Variants in PCDHA12 observed in about 807,000 individuals in gnomAD.
PCDHA12 encodes protocadherin alpha 12, also known as protocadherin alpha-12.
In PCDHA12, 44 loss-of-function variants were observed where a neutral mutation model predicts 60.0. The observed-to-expected ratio is 0.73, with a 90% CI of 0.58 to 0.94. The LOEUF is 0.94. Among genes scored for constraint, PCDHA12 ranks in the 40% least tolerant of loss-of-function variants. PCDHA12 has a pLI of 0.00. For missense variants in PCDHA12, 1,276 were observed against 1,239.7 expected, an observed-to-expected ratio of 1.03 and a Z score of -0.44; for synonymous variants, 569 against 553.0, an observed-to-expected ratio of 1.03 and a Z score of -0.40.
At position 140,877,558 on chromosome 5, in the gene PCDHA12, A is replaced by G. The variant is rs782179941; in HGVS notation, c.2086A>G (p.Ile696Val). 7 of 1,613,628 alleles carry G rather than the reference A, an allele frequency of 4.3e-6. No individual in the cohort carries two copies. The highest frequency in any genetic ancestry group is 5.9e-6 in the Non-Finnish European group (7 of 1,179,900). The change falls in exon 1 of 4, where the codon ATT becomes GTT. Residue 696 changes from isoleucine (I) to valine (V), a missense_variant. Ile to Val is a conservative substitution (Grantham distance 29). Coordinates refer to ENST00000398631, the MANE Select transcript of PCDHA12 (RefSeq NM_018903.4). ...AVDPEAALVD[I>V]NVYLIIAICA... ...GGATCCCGAAGCGGCTCTGGTGGATATTAACGTGTACCTCATCATCGCCAT... is the reference window on the plus strand; with the variant it reads ...GGATCCCGAAGCGGCTCTGGTGGATGTTAACGTGTACCTCATCATCGCCAT...
intron 1 of PCDHA12, chr5:140,882,750 A>G (rs781948584): frequency 1.9e-5 from 30 of 1,614,128 alleles, no homozygotes; most frequent in Non-Finnish European, 2.4e-5. Context: ...TCCGATGCAG[A>G]TATTGGAGTA....
intron 1 of PCDHA12, among the ~76,000 whole-genome samples, chr5:140,919,297 G>C (rs1351756549): frequency 6.6e-6 from 1 of 152,120 alleles, no homozygotes; most frequent in African/African-American, 2.4e-5. Context: ...GTTGCTGTTT[G>C]TACAATATAT....
Position 140,886,603 on chromosome 5 carries a change from G to GGATCAGGA in PCDHA12, c.2367+8774_2367+8781dup, listed in dbSNP as rs567691866. On this transcript the variant is annotated intron_variant, in intron 1 of 3. Coordinates refer to ENST00000398631, the MANE Select transcript of PCDHA12 (RefSeq NM_018903.4). ...AGCACTTTGGGAGGCCAAGGTGGGC[G>GGATCAGGA]GATCAGGAGATCAGGAGTCCGAGAC... 2.7e-3 allele frequency among the ~76,000 whole-genome samples: 409 copies of GGATCAGGA among 152,092 alleles called. 3 individuals carry two copies. The highest frequency in any genetic ancestry group is 0.014 in the Middle Eastern group (4 of 294).
At chr5:140,936,863 A>G (rs1177234152) in intron 1 of PCDHA12, among the ~76,000 whole-genome samples, 1 of 152,120 alleles carries the variant, frequency 6.6e-6, no homozygotes, top group East Asian at 1.9e-4. Context: ...CTCAGTTTCT[A>G]TTTTAAAAAA....
chr5:140,955,832 G>A (rs2095230258), intron 1 of PCDHA12, among the ~76,000 whole-genome samples: 1 of 152,132 alleles, frequency 6.6e-6, no homozygotes, highest in South Asian at 2.1e-4. Flanking sequence ...TTGAGCAGTG[G>A]TTTGTCATTC....
rs577838197 is a variant in PCDHA12, at chr5:140,982,551, A to G, written c.2503A>G (p.Ser835Gly). 28 of 1,614,198 alleles carry G rather than the reference A, an allele frequency of 1.7e-5. No individual in the cohort carries two copies. Among genetic ancestry groups the G allele is most frequent in the South Asian group, 1.2e-4 (11 of 91,088 alleles). The change falls in exon 3 of 4, where the codon AGT (serine) becomes GGT (glycine). Residue 835 changes from serine (S) to glycine (G), a missense_variant. Coordinates refer to ENST00000398631, the MANE Select transcript of PCDHA12 (RefSeq NM_018903.4). ...GPDQQWPTVS[S>G]ATPEPEAGEV... is the part of the protein sequence containing the mutation. ...TGATCAGCAGTGGCCAACAGTATCC[A>G]GTGCAACACCAGGTAAAGAGCTGGG... is the stretch of plus-strand genomic sequence containing the variant.
At chr5:140,985,557 G>A (rs1190905215) in intron 3 of PCDHA12, among the ~76,000 whole-genome samples, 1 of 152,118 alleles carries the variant, frequency 6.6e-6, no homozygotes, top group East Asian at 1.9e-4. Context: ...GCTTCCAAAA[G>A]GCTTCTTTCT....
intron 2 of PCDHA12, among the ~76,000 whole-genome samples, chr5:140,980,889 T>C (rs1554242442): frequency 2.6e-5 from 4 of 152,202 alleles, no homozygotes; most frequent in Non-Finnish European, 4.4e-5. Flanking sequence ...GTCTTTCCAG[T>C]CTTGGACATC....
At chr5:140,946,151 C>T (rs943826321) in intron 1 of PCDHA12, among the ~76,000 whole-genome samples, 6 of 151,694 alleles carry the variant, frequency 4.0e-5, no homozygotes, top group East Asian at 1.9e-4. Context: ...ACAAATAACA[C>T]GATTTAAAAG....
At chr5:141,000,080 G>C (rs1554257118) in intron 3 of PCDHA12, among the ~76,000 whole-genome samples, 1 of 152,068 alleles carries the variant, frequency 6.6e-6, no homozygotes, top group Non-Finnish European at 1.5e-5. Flanking sequence ...ACAATGCTAG[G>C]CCTGTGAATG....
intron 3 of PCDHA12, among the ~76,000 whole-genome samples, chr5:140,997,576 G>A (rs528258685): frequency 5.9e-5 from 9 of 152,166 alleles, no homozygotes; most frequent in African/African-American, 2.4e-5. Flanking sequence ...TGTGTGGTCC[G>A]TTGTTGACTG....
At position 140,973,488 on chromosome 5, in the gene PCDHA12, G is replaced by A. The variant is rs186493160; in HGVS notation, c.2368-5461G>A. Reference sequence around the variant, plus strand: ...GTTTGCAAATTTCATATTGGTCACAGGACTCTTCTTCTGAGAAAAAGTTTA... The same window carrying A: ...GTTTGCAAATTTCATATTGGTCACAAGACTCTTCTTCTGAGAAAAAGTTTA... On this transcript the variant is annotated intron_variant, in intron 1 of 3. Coordinates refer to ENST00000398631, the MANE Select transcript of PCDHA12 (RefSeq NM_018903.4). Among the ~76,000 whole-genome samples, 7 of 152,228 alleles carry A rather than the reference G, an allele frequency of 4.6e-5. No homozygotes were observed. The East Asian group carries it at 1.3e-3, about 29-fold the overall frequency.
intron 1 of PCDHA12, among the ~76,000 whole-genome samples, chr5:140,921,524 T>C (rs2080251541): frequency 6.6e-6 from 1 of 152,164 alleles, no homozygotes; most frequent in South Asian, 2.1e-4. Flanking sequence ...GAAATAAAAA[T>C]CTGCTGATAG....
chr5:140,906,075 C>A (rs2153492820), intron 1 of PCDHA12, among the ~76,000 whole-genome samples: 1 of 152,246 alleles, frequency 6.6e-6, no homozygotes, highest in African/African-American at 2.4e-5. Context: ...TAGATCGCAC[C>A]CACCCAGACT....
chr5:140,909,066 T>G (rs1554193625), intron 1 of PCDHA12, among the ~76,000 whole-genome samples: 1 of 152,200 alleles, frequency 6.6e-6, no homozygotes, highest in African/African-American at 2.4e-5. Flanking sequence ...GTCTCACCAA[T>G]AAGCCCAGTG....
Position 140,986,130 on chromosome 5 carries a change from G to T in PCDHA12, c.2515+3567G>T, listed in dbSNP as rs150350316. ...AGATAAAGATGCCACACTCTGAAAGGATCAACAAGGGCATCACCAAGTAAT... is the reference window on the plus strand; with the variant it reads ...AGATAAAGATGCCACACTCTGAAAGTATCAACAAGGGCATCACCAAGTAAT... On this transcript the variant is annotated intron_variant, in intron 3 of 3. Coordinates refer to ENST00000398631, the MANE Select transcript of PCDHA12 (RefSeq NM_018903.4). 8.5e-5 allele frequency among the ~76,000 whole-genome samples: 13 copies of T among 152,216 alleles called. 1 individual carries two copies. The East Asian group carries it at 2.5e-3, about 29-fold the overall frequency.
chr5:140,985,899 C>T (rs1303947192), intron 3 of PCDHA12, among the ~76,000 whole-genome samples: 2 of 152,020 alleles, frequency 1.3e-5, no homozygotes, highest in African/African-American at 4.8e-5. Flanking sequence ...GCCACCACTC[C>T]CGTCTAATTT....
intron 1 of PCDHA12, 140 bp downstream of exon 1, chr5:140,877,979 A>G (rs2057420487): frequency 4.9e-6 from 6 of 1,227,544 alleles, no homozygotes; most frequent in Non-Finnish European, 5.4e-6. Flanking sequence ...ATTCTTACTC[A>G]TTTTGAACTT....
intron 1 of PCDHA12, chr5:140,884,430 T>C: frequency 1.9e-6 from 3 of 1,613,922 alleles, no homozygotes; most frequent in Non-Finnish European, 2.5e-6. Context: ...TATACTGCGC[T>C]GCGGTGCTCG....
Sources: allele counts gnomAD v4.1 joint callset (sites outside exome capture counted in the v4.1 genomes callset), GRCh38; gene constraint gnomAD v4.1.1; transcripts MANE v1.5; gene names NCBI Gene and HGNC (gene_info 2026-07-23, HGNC 2026-07-21).